VPS13A: variants seen among roughly 807,000 people sequenced by gnomAD.
VPS13A encodes the protein vacuolar protein sorting 13 homolog A.
A neutral mutation model predicts 390.9 loss-of-function variants in VPS13A; 264 were observed. The observed-to-expected ratio is 0.68, with a 90% CI of 0.61 to 0.75. The LOEUF is 0.75. Among genes scored for constraint, VPS13A ranks in the 30% least tolerant of loss-of-function variants. The pLI is 0.00. For synonymous variants in VPS13A, 1,231 were observed against 1,227.1 expected, an observed-to-expected ratio of 1.00 and a Z score of -0.07; for missense variants, 3,409 against 3,733.9, an observed-to-expected ratio of 0.91 and a Z score of 2.27.
At chr9:77,181,196 T>C in intron 1 of VPS13A, among the ~76,000 whole-genome samples, 1 of 152,054 alleles carries the variant, frequency 6.6e-6, no homozygotes, top group East Asian at 1.9e-4. Flanking sequence ...ATTTGGAGGA[T>C]TTTTTAAAAA....
At chr9:77,317,421 G>GA (rs1829464146) in intron 39 of VPS13A, among the ~76,000 whole-genome samples, 185 bp from the exon 40 acceptor site, 1 of 151,960 alleles carries the variant, frequency 6.6e-6, no homozygotes, top group South Asian at 2.1e-4. Context: ...TGGAAGAATA[G>GA]AACAGATATT....
intron 33 of VPS13A, among the ~76,000 whole-genome samples, chr9:77,299,157 T>C (rs925136042): frequency 1.3e-5 from 2 of 152,230 alleles, no homozygotes; most frequent in South Asian, 2.1e-4. Context: ...TTTTGGTTAC[T>C]GTAGCCTTGT....
At position 77,382,884 on chromosome 9, in the gene VPS13A, G is replaced by A. The variant is rs199685623; in HGVS notation, c.9189+797G>A. On this transcript the variant is annotated intron_variant, in intron 68 of 71. Coordinates refer to ENST00000360280, the MANE Select transcript of VPS13A (RefSeq NM_033305.3). ...GACAACTTTCTTACTTGGTAAATTC[G>A]ACTTTTTAAAACCTGGATTATGCTG... 3.6e-5 allele frequency: 35 copies of A among 985,302 alleles called. No individual in the cohort carries two copies. In the East Asian group the frequency reaches 2.3e-3, roughly 64 times the overall value. 61.0% of individuals were successfully genotyped at this position (985,302 alleles called of 1,614,324 possible).
intron 47 of VPS13A, chr9:77,337,893 T>C (rs1279342250): frequency 1.1e-5 from 2 of 174,122 alleles, no homozygotes; most frequent in African/African-American, 4.8e-5. Flanking sequence ...ATATTTCATT[T>C]GCAGTGCTTA....
rs138231386 is a variant in VPS13A, at chr9:77,214,834, G to A, written c.754+448G>A. On this transcript the variant is annotated intron_variant, in intron 10 of 71. Transcript: ENST00000360280. ...ATGAGCATCCATTACTTTTACAATC[G>A]GAAATGAATTACTAAAACAGAAAGA... Among the ~76,000 whole-genome samples, 379 of 151,954 alleles carry A rather than the reference G, an allele frequency of 2.5e-3. 3 individuals carry two copies. The highest frequency in any genetic ancestry group is 0.02 in the East Asian group (106 of 5,180).
intron 68 of VPS13A, among the ~76,000 whole-genome samples, chr9:77,383,530 T>C (rs1209515504): frequency 6.6e-6 from 1 of 152,018 alleles, no homozygotes; most frequent in Non-Finnish European, 1.5e-5. Context: ...AAATCAAATA[T>C]AGTACGAAGT....
At position 77,334,765 on chromosome 9, in the gene VPS13A, AAATT is replaced by A. The variant is rs1422216412; in HGVS notation, c.6096-2487_6096-2484del. 2.0e-5 allele frequency among the ~76,000 whole-genome samples: 3 copies of A among 152,216 alleles called. 1 individual carries two copies. Among genetic ancestry groups the A allele is most frequent in the African/African-American group, 7.2e-5 (3 of 41,468 alleles). On this transcript the variant is annotated intron_variant, in intron 46 of 71. Coordinates refer to ENST00000360280, the MANE Select transcript of VPS13A (RefSeq NM_033305.3). ...TATTACGATTAGTTTAATTTGGAAA[AAATT>A]AAGGTTTTGTCTTTAAGTATTAGAA... is the stretch of plus-strand genomic sequence containing the variant.
intron 23 of VPS13A, among the ~76,000 whole-genome samples, chr9:77,261,732 G>A (rs1351665884): frequency 2.6e-5 from 4 of 151,922 alleles, no homozygotes; most frequent in East Asian, 1.9e-4. Context: ...CTACAAGTGC[G>A]TGCCACTACA....
intron 67 of VPS13A, among the ~76,000 whole-genome samples, chr9:77,376,570 A>G (rs1362268592): frequency 6.6e-6 from 1 of 152,220 alleles, no homozygotes; most frequent in Admixed American, 6.5e-5. Context: ...ATCGTGAAGA[A>G]TAATTCTAAA....
At chr9:77,219,404 T>G (rs1378032620) in intron 10 of VPS13A, among the ~76,000 whole-genome samples, 1 of 152,174 alleles carries the variant, frequency 6.6e-6, no homozygotes, top group Non-Finnish European at 1.5e-5. Context: ...TTCTTATTCT[T>G]TTTGGCACCA....
chr9:77,358,716 C>A (rs1159690506), intron 57 of VPS13A, among the ~76,000 whole-genome samples: 19 of 152,228 alleles, frequency 1.2e-4, no homozygotes, highest in Non-Finnish European at 5.9e-5. Flanking sequence ...GATTTAAAAA[C>A]CTTTAAAGCC....
intron 21 of VPS13A, among the ~76,000 whole-genome samples, chr9:77,251,733 C>T (rs987992562): frequency 3.3e-5 from 5 of 152,002 alleles, no homozygotes; most frequent in Admixed American, 6.6e-5. Context: ...CATTTAGGCT[C>T]GTAACTCTGC....
Position 77,351,458 on chromosome 9 carries a change from G to A in VPS13A, c.7419+12G>A, listed in dbSNP as rs753488359. Reference sequence around the variant, plus strand: ...TAACACAGAAGGATGTAAGTATTGGGTTATTATGGTGTTCCCAGCAGCCTT... The same window carrying A: ...TAACACAGAAGGATGTAAGTATTGGATTATTATGGTGTTCCCAGCAGCCTT... On this transcript the variant is annotated intron_variant, in intron 53 of 71. Transcript: ENST00000360280. 3.7e-6 allele frequency: 6 copies of A among 1,612,038 alleles called. No individual in the cohort carries two copies. The highest frequency in any genetic ancestry group is 2.2e-5 in the East Asian group (1 of 44,764).
chr9:77,219,303 A>G (rs767098351), intron 10 of VPS13A, among the ~76,000 whole-genome samples: 7 of 152,240 alleles, frequency 4.6e-5, no homozygotes, highest in Non-Finnish European at 8.8e-5. Context: ...TTAAAATAAA[A>G]GGAATATATC....
At chr9:77,205,228 T>C in intron 3 of VPS13A, 85 bp from the exon 4 acceptor site, 1 of 689,676 alleles carries the variant, frequency 1.4e-6, no homozygotes, top group Non-Finnish European at 2.3e-6. Context: ...ATCTCTTCAA[T>C]GCCTGACAGA....
In VPS13A at chr9:77,317,693, C is replaced by A. The variant is rs1489011342; in HGVS notation, c.4951C>A (p.Leu1651Ile). 1.3e-6 allele frequency: 2 copies of A among 1,585,550 alleles called. No individual in the cohort carries two copies. Among genetic ancestry groups the A allele is most frequent in the Non-Finnish European group, 1.7e-6 (2 of 1,163,226 alleles). The change falls in exon 40 of 72, where the codon CTA (leucine) becomes ATA (isoleucine). Residue 1651 changes from leucine to isoleucine, a missense_variant. Transcript: ENST00000360280. Reference protein sequence around the residue: ...VIDMSVKSLTLKVSPVIINTM... With the variant: ...VIDMSVKSLTIKVSPVIINTM... Reference sequence around the variant, plus strand: ...CGATATGTCAGTAAAATCCCTGACACTAAAGGTAAATTAAAATATAATCAT... The same window carrying A: ...CGATATGTCAGTAAAATCCCTGACAATAAAGGTAAATTAAAATATAATCAT...
intron 52 of VPS13A, among the ~76,000 whole-genome samples, chr9:77,348,628 A>G (rs890980230): frequency 2.6e-5 from 4 of 152,278 alleles, no homozygotes; most frequent in South Asian, 4.1e-4. Flanking sequence ...TTTAGGAAAA[A>G]AAAAAAGAAA....
At chr9:77,183,381 T>G (rs1014526368) in intron 1 of VPS13A, among the ~76,000 whole-genome samples, 1 of 152,184 alleles carries the variant, frequency 6.6e-6, no homozygotes, top group Non-Finnish European at 1.5e-5. Flanking sequence ...ACCCTCCTTG[T>G]CCCTTATACC....
chr9:77,294,802 A>G (rs1221725844), intron 32 of VPS13A, among the ~76,000 whole-genome samples: 1 of 152,112 alleles, frequency 6.6e-6, no homozygotes, highest in Non-Finnish European at 1.5e-5. Flanking sequence ...ACTCATGGGC[A>G]CAAGCAAATC....
Sources: allele counts gnomAD v4.1 joint callset (sites outside exome capture counted in the v4.1 genomes callset), GRCh38; gene constraint gnomAD v4.1.1; transcripts MANE v1.5; gene names NCBI Gene and HGNC (gene_info 2026-07-23, HGNC 2026-07-21).